ZFYVE21: variants seen among roughly 807,000 people sequenced by gnomAD.
The protein encoded by ZFYVE21 is zinc finger FYVE-type containing 21, also known as zinc finger FYVE domain-containing protein 21.
A neutral mutation model predicts 29.5 loss-of-function variants in ZFYVE21; 21 were observed. The observed-to-expected ratio is 0.71, with a 90% CI of 0.50 to 1.02. The LOEUF (loss-of-function observed/expected upper bound fraction) is 1.02, where lower values mean the gene tolerates loss of function less well. Ranked by LOEUF, ZFYVE21 falls within the 50% of genes least tolerant of loss-of-function variation. ZFYVE21 has a pLI of 0.00. For synonymous variants in ZFYVE21, 151 were observed against 133.8 expected (o/e 1.13, Z -0.89); for missense variants, 326 against 335.4 (o/e 0.97, Z 0.22).
In ZFYVE21 at chr14:103,727,817, G is replaced by A; in HGVS notation, c.261G>A (p.Met87Ile). The A allele has an allele frequency of 6.2e-7, 1 of 1,613,070 alleles. No individual in the cohort carries two copies. Among genetic ancestry groups the A allele is most frequent in the Admixed American group, 1.7e-5 (1 of 60,022 alleles). The stretch of plus-strand genomic sequence containing the variant: ...GCCAGAAGGTGCCGCTGCGGCGCAT[G>A]TGCTTTGTGGACCCCGTGCGGCAGT... Reference protein sequence around the residue: ...CCSQKVPLRRMCFVDPVRQCA... With the variant: ...CCSQKVPLRRICFVDPVRQCA... The change falls in exon 3 of 7, where the codon ATG (methionine) becomes ATA (isoleucine). Residue 87 changes from methionine to isoleucine, a missense_variant. Physicochemically the swap from Met to Ile is conservative, Grantham distance 10. Transcript: ENST00000311141.
chr14:103,726,702 G>A (rs1595691053), intron 1 of ZFYVE21, 90 bp from the exon 2 acceptor site: 1 of 1,532,082 alleles, frequency 6.5e-7, no homozygotes, highest in East Asian at 2.3e-5. Context: ...GAGGTGGCAG[G>A]GCCCAGCTTT....
chr14:103,731,416 A>G (rs2083972551), intron 5 of ZFYVE21: 1 of 149,818 alleles, frequency 6.7e-6, no homozygotes, highest in African/African-American at 2.5e-5. Flanking sequence ...CCTGACCATC[A>G]TGGAGAAACC....
At chr14:103,729,760 T>C in intron 5 of ZFYVE21, 3 of 1,536,370 alleles carry the variant, frequency 2.0e-6, no homozygotes, top group African/African-American at 1.4e-5. Context: ...GGTTGCTCCT[T>C]CTCGCCACTG....
chr14:103,732,733 G>C lies in ZFYVE21; in HGVS notation c.640G>C (p.Ala214Pro). The change falls in exon 6 of 7, where the codon GCG (alanine) becomes CCG (proline). Residue 214 changes from alanine to proline, a missense_variant. Coordinates refer to ENST00000311141, the MANE Select transcript of ZFYVE21 (RefSeq NM_024071.4). ...VEDVTVGRRQ[A>P]VAWLVAMHKA... ...GGACGTGACTGTGGGCAGGAGGCAG[G>C]CGGTGGCGTGGCTAGTGGCCATGCA... The C allele has an allele frequency of 6.2e-7, 1 of 1,613,184 alleles. No individual in the cohort carries two copies. The highest frequency in any genetic ancestry group is 8.5e-7 in the Non-Finnish European group (1 of 1,179,692).
intron 1 of ZFYVE21, chr14:103,726,576 G>A (rs529119509): frequency 5.1e-6 from 3 of 593,296 alleles, no homozygotes; most frequent in Admixed American, 2.9e-5. Context: ...TGCATCTCCC[G>A]CAGGCCTGGG....
At chr14:103,726,729 C>T (rs373739522) in intron 1 of ZFYVE21, 63 bp from the exon 2 acceptor site, 153 of 1,600,520 alleles carry the variant, frequency 9.6e-5, no homozygotes, top group Middle Eastern at 1.7e-4. Flanking sequence ...AGCCCGTGGT[C>T]GTGCCCCAGC....
chr14:103,717,697 G>A (rs1027279393), intron 1 of ZFYVE21, among the ~76,000 whole-genome samples: 7 of 152,254 alleles, frequency 4.6e-5, no homozygotes, highest in Non-Finnish European at 8.8e-5. Context: ...CCACGCTGGC[G>A]TGGTGGCAGG....
In ZFYVE21 at chr14:103,716,883, C is replaced by T. The variant is rs999733967; in HGVS notation, c.138+904C>T. Among the ~76,000 whole-genome samples, 1 of 152,126 alleles carries T rather than the reference C, an allele frequency of 6.6e-6. No individual in the cohort carries two copies. ...CTAACAGGTGTGTCCAGTTTCTGTT[C>T]TGTGGATTTTACCACGATAAAAAAA... On this transcript the variant is annotated intron_variant, in intron 1 of 6. Coordinates refer to ENST00000311141, the MANE Select transcript of ZFYVE21 (RefSeq NM_024071.4). The surrounding 1 kb of genome is among the most constrained non-coding windows in gnomAD (Gnocchi z 4.8).
intron 5 of ZFYVE21, chr14:103,730,071 G>A (rs1208291101): frequency 8.8e-6 from 5 of 567,860 alleles, no homozygotes; most frequent in African/African-American, 5.7e-5. Flanking sequence ...GTCTCAGCGG[G>A]AGGGTTACCC....
intron 1 of ZFYVE21, among the ~76,000 whole-genome samples, chr14:103,717,663 C>T (rs983127553): frequency 1.3e-5 from 2 of 152,244 alleles, no homozygotes; most frequent in African/African-American, 4.8e-5. Flanking sequence ...AGGTGGCACC[C>T]CTCGTGGAAG....
intron 3 of ZFYVE21, 40 bp from the exon 4 acceptor site, chr14:103,728,868 A>C (rs745783357): frequency 6.8e-6 from 11 of 1,606,538 alleles, no homozygotes; most frequent in South Asian, 2.2e-5. Flanking sequence ...GGTGGAAAAG[A>C]AGCAGGCCCT....
In ZFYVE21 at chr14:103,718,935, C is replaced by T. The variant is rs554443784; in HGVS notation, c.138+2956C>T. Reference sequence around the variant, plus strand: ...CTGAAGTGAGGACTGTTGCTAGAGGCGTCTGGAGCTGTGCAGCGGGGAGAA... The same window carrying T: ...CTGAAGTGAGGACTGTTGCTAGAGGTGTCTGGAGCTGTGCAGCGGGGAGAA... On this transcript the variant is annotated intron_variant, in intron 1 of 6. Coordinates refer to ENST00000311141, the MANE Select transcript of ZFYVE21 (RefSeq NM_024071.4). 4.6e-5 allele frequency among the ~76,000 whole-genome samples: 7 copies of T among 152,282 alleles called. No homozygotes were observed. In the South Asian group the frequency reaches 6.2e-4, roughly 14 times the overall value.
chr14:103,729,370 G>A lies in ZFYVE21; in HGVS notation c.526+188G>A. 9.8e-6 allele frequency: 6 copies of A among 609,208 alleles called. No homozygotes were observed. The South Asian group carries it at 1.2e-4, about 12-fold the overall frequency. The allele number at this position is 609,208 out of a possible 1,614,324, so 37.7% of individuals were successfully genotyped here. On this transcript the variant is annotated intron_variant, in intron 5 of 6. Transcript: ENST00000311141. Reference sequence around the variant, plus strand: ...TCAGTGGCTTTAGAACTCGCCAGGTGAGTGGAGACTTAAACTGTAAGACAA... The same window carrying A: ...TCAGTGGCTTTAGAACTCGCCAGGTAAGTGGAGACTTAAACTGTAAGACAA...
In ZFYVE21 at chr14:103,732,615, TCCAGGAGG is replaced by T; in HGVS notation, c.527-3_531del. The T allele has an allele frequency of 6.4e-7, 1 of 1,566,674 alleles. No individual in the cohort carries two copies. The highest frequency in any genetic ancestry group is 8.6e-7 in the Non-Finnish European group (1 of 1,158,944). Reference sequence around the variant, plus strand: ...GGGCCGTCTTACCTCGTCTCTCTCCTCCAGGAGGCAACGCACGGGCCACAGGCATGTTC... The same window carrying T: ...GGGCCGTCTTACCTCGTCTCTCTCCTCAACGCACGGGCCACAGGCATGTTC... On this transcript the variant is annotated splice_acceptor_variant and splice_polypyrimidine_tract_variant and coding_sequence_variant and intron_variant, in exon 6 of 7. Coordinates refer to ENST00000311141, the MANE Select transcript of ZFYVE21 (RefSeq NM_024071.4). LOFTEE classifies it high-confidence loss of function.
intron 1 of ZFYVE21, among the ~76,000 whole-genome samples, chr14:103,720,714 G>A (rs909448938): frequency 2.0e-5 from 3 of 152,318 alleles, no homozygotes; most frequent in Middle Eastern, 6.8e-3. Flanking sequence ...GACCCTCGAG[G>A]GGCCGTTCCT....
At chr14:103,726,522 C>G (rs1176255351) in intron 1 of ZFYVE21, 2 of 439,822 alleles carry the variant, frequency 4.5e-6, no homozygotes, top group African/African-American at 2.0e-5. Flanking sequence ...TGCTGCGAGA[C>G]AGTCAAACCC....
chr14:103,731,353 ACTTTGGGAGGTT>A (rs2083972019), intron 5 of ZFYVE21: 1 of 150,794 alleles, frequency 6.6e-6, no homozygotes. Context: ...TAATCCTAGC[ACTTTGGGAGGTT>A]AAGGCGGGCA....
chr14:103,727,629 C>G, intron 2 of ZFYVE21, 117 bp from the exon 3 acceptor site: 1 of 1,370,018 alleles, frequency 7.3e-7, no homozygotes, highest in Non-Finnish European at 1.0e-6. Flanking sequence ...GTGCAGCGGC[C>G]GGCACAGGGG....
At chr14:103,728,118 TTGGTGCTGACTCCGC>T in intron 3 of ZFYVE21, 1 of 569,564 alleles carries the variant, frequency 1.8e-6, no homozygotes, top group African/African-American at 2.0e-5. Context: ...GTCTAAAATG[TTGGTGCTGACTCCGC>T]TGGGCACGTC....
Sources: gnomAD v4.1 joint callset for allele counts (sites outside exome capture counted in the v4.1 genomes callset) on GRCh38, gnomAD v4.1.1 for gene constraint, Gnocchi (gnomAD v3.1) non-coding constraint, MANE v1.5 for transcripts, NCBI Gene and HGNC (gene_info 2026-07-23, HGNC 2026-07-21) for gene names.